Variants in ITPKB observed in about 807,000 individuals in gnomAD.
ITPKB encodes inositol-trisphosphate 3-kinase B.
A neutral mutation model predicts 69.4 loss-of-function variants in ITPKB; 13 were observed. The observed-to-expected ratio is 0.19, with a 90% CI of 0.12 to 0.30. The LOEUF (loss-of-function observed/expected upper bound fraction) is 0.30, where lower values mean the gene tolerates loss of function less well. ITPKB is among the 10% of genes least tolerant of loss of function. The pLI is 1.00. For synonymous variants in ITPKB, 584 were observed against 513.7 expected (o/e 1.14, Z -1.85); for missense variants, 1,240 against 1,250.5 (o/e 0.99, Z 0.13).
At chr1:226,730,887 A>G (rs894874309) in intron 2 of ITPKB, among the ~76,000 whole-genome samples, 1 of 152,212 alleles carries the variant, frequency 6.6e-6, no homozygotes, top group Admixed American at 6.5e-5. Context: ...AAAAACAAAA[A>G]TTCTGAAAAT....
intron 2 of ITPKB, among the ~76,000 whole-genome samples, chr1:226,665,602 C>T (rs1230413119): frequency 6.6e-6 from 1 of 152,156 alleles, no homozygotes; most frequent in African/African-American, 2.4e-5. Flanking sequence ...CGACAGATCA[C>T]ACAAAAGCTA....
chr1:226,657,353 CTT>C (rs1282287338), intron 2 of ITPKB: 30 of 152,316 alleles, frequency 2.0e-4, no homozygotes, highest in Non-Finnish European at 5.9e-5. Flanking sequence ...TTTACATTCT[CTT>C]CTTAGCCTCT....
intron 2 of ITPKB, among the ~76,000 whole-genome samples, chr1:226,676,838 G>A (rs968833139): frequency 1.3e-5 from 2 of 152,208 alleles, no homozygotes; most frequent in South Asian, 2.1e-4. Context: ...TTGGGTAGTA[G>A]GCTTTTGGAT....
intron 2 of ITPKB, among the ~76,000 whole-genome samples, chr1:226,668,266 T>C (rs1669544665): frequency 6.6e-6 from 1 of 152,192 alleles, no homozygotes; most frequent in Admixed American, 6.5e-5. Context: ...TCTATGGAAG[T>C]TAATTCAAAT....
At chr1:226,676,412 G>T (rs1272161983) in intron 2 of ITPKB, 1 of 152,196 alleles carries the variant, frequency 6.6e-6, no homozygotes, top group Non-Finnish European at 1.5e-5. Flanking sequence ...TTTCATCTCA[G>T]TGAGAGGCAA....
At chr1:226,690,187 C>T (rs1229781091) in intron 2 of ITPKB, among the ~76,000 whole-genome samples, 1 of 152,156 alleles carries the variant, frequency 6.6e-6, no homozygotes, top group East Asian at 1.9e-4. Context: ...TTTGAGGAAT[C>T]GCCACAGTCT....
At position 226,736,446 on chromosome 1, in the gene ITPKB, G is replaced by A. The variant is rs1427988170; in HGVS notation, c.1013C>T (p.Pro338Leu). 3.7e-6 allele frequency: 6 copies of A among 1,613,462 alleles called. No individual in the cohort carries two copies. Among genetic ancestry groups the A allele is most frequent in the East Asian group, 2.2e-5 (1 of 44,894 alleles). ...CTGCCTCTCCACCAGGGCCTCTGGG[G>A]GCTGCAGGTCCTCAAGCTCACGGGC... ...GRARELEDLQ[P>L]PEALVERQGQ... Residue 338 changes from proline to leucine, a missense_variant, in exon 2 of 8, where the codon CCC (proline) becomes CTC (leucine). By Grantham distance (98) the Pro-to-Leu change is moderately conservative. Transcript: ENST00000429204.
rs1668740843 is a variant in ITPKB at position 226,632,093 on chromosome 1, C to T, written c.*2578G>A. On this transcript the variant is annotated 3_prime_UTR_variant, in exon 8 of 8. Coordinates refer to ENST00000429204, the MANE Select transcript of ITPKB (RefSeq NM_002221.4). Reference sequence around the variant, plus strand: ...TTAGTGTTCTGTGCAATTTTAAAACCCAACAAAATAAATATAACTTAAAAA... The same window carrying T: ...TTAGTGTTCTGTGCAATTTTAAAACTCAACAAAATAAATATAACTTAAAAA... 1 of 152,562 alleles carries T rather than the reference C, an allele frequency of 6.6e-6. No homozygotes were observed. 9.5% of individuals were successfully genotyped at this position (152,562 alleles called of 1,614,324 possible). A position where few individuals can be genotyped will look rare whatever the true frequency, so the allele number is the denominator to read the frequency against.
chr1:226,736,217 C>T lies in ITPKB; in HGVS notation c.1242G>A (p.Leu414=). The part of the protein sequence containing the change: ...ESSDSLSWSR[L]PRALASVGPE... ...GGCCTACGGAGGCCAGGGCCCTGGG[C>T]AGCCTGGACCAGCTCAGGGAATCAG... Residue 414 remains leucine, a synonymous_variant, in exon 2 of 8, where the codon CTG becomes CTA. Coordinates refer to ENST00000429204, the MANE Select transcript of ITPKB (RefSeq NM_002221.4). 6.5e-7 allele frequency: 1 copy of T among 1,534,310 alleles called. No individual in the cohort carries two copies.
intron 2 of ITPKB, among the ~76,000 whole-genome samples, chr1:226,677,861 T>C (rs1655940271): frequency 6.6e-6 from 1 of 152,258 alleles, no homozygotes; most frequent in South Asian, 2.1e-4. Context: ...CTCAGCAGGC[T>C]GCCCTGGAGA....
At chr1:226,713,107 CAT>C (rs1459993210) in intron 2 of ITPKB, among the ~76,000 whole-genome samples, 2 of 152,168 alleles carry the variant, frequency 1.3e-5, no homozygotes, top group African/African-American at 2.4e-5. Context: ...AATATACACA[CAT>C]ATACACACAC....
At chr1:226,677,336 G>T (rs1335340371) in intron 2 of ITPKB, among the ~76,000 whole-genome samples, 1 of 152,238 alleles carries the variant, frequency 6.6e-6, no homozygotes, top group Non-Finnish European at 1.5e-5. Flanking sequence ...TGCCACCAGG[G>T]CTGGGGAGAG....
chr1:226,678,436 C>A (rs1406803860), intron 2 of ITPKB, among the ~76,000 whole-genome samples: 2 of 152,226 alleles, frequency 1.3e-5, no homozygotes, highest in Non-Finnish European at 2.9e-5. Context: ...CCACTGAGGG[C>A]AGAGGCCGAG....
At chr1:226,649,452 CATGT>C (rs1669134375) in intron 2 of ITPKB, among the ~76,000 whole-genome samples, 2 of 133,532 alleles carry the variant, frequency 1.5e-5, no homozygotes, top group African/African-American at 5.8e-5. Context: ...CGTGTGTGTG[CATGT>C]GTGATATGTG....
chr1:226,643,688 C>G (rs1353807263), intron 4 of ITPKB, among the ~76,000 whole-genome samples: 1 of 152,216 alleles, frequency 6.6e-6, no homozygotes, highest in Admixed American at 6.5e-5. Flanking sequence ...AAAAACAAAT[C>G]CTTTGGGTGT....
intron 2 of ITPKB, among the ~76,000 whole-genome samples, chr1:226,692,157 C>A (rs1656373015): frequency 6.6e-6 from 1 of 152,140 alleles, no homozygotes; most frequent in South Asian, 2.1e-4. Context: ...GCAATATGTC[C>A]AAGGAGCAGA....
chr1:226,675,262 C>T (rs561013939), intron 2 of ITPKB, among the ~76,000 whole-genome samples: 11 of 152,238 alleles, frequency 7.2e-5, no homozygotes, highest in Middle Eastern at 3.4e-3. Context: ...GGGAAACGCT[C>T]GCTTGAAACA....
In ITPKB at chr1:226,637,767, G is replaced by A; in HGVS notation, c.2554-17C>T. On this transcript the variant is annotated splice_polypyrimidine_tract_variant and intron_variant, in intron 6 of 7. Coordinates refer to ENST00000429204, the MANE Select transcript of ITPKB (RefSeq NM_002221.4). This position sits in a 1 kb window ranked among gnomAD's most constrained non-coding sequence, Gnocchi z 4.3. ...ATAGGCGATCTGGGAATAGAAAGAG[G>A]ACCAGATTTTTAAGCGCCGCGTGGG... is the stretch of plus-strand genomic sequence containing the variant. 6.2e-7 allele frequency: 1 copy of A among 1,605,808 alleles called. No homozygotes were observed. The highest frequency in any genetic ancestry group is 8.5e-7 in the Non-Finnish European group (1 of 1,172,932).
intron 2 of ITPKB, among the ~76,000 whole-genome samples, chr1:226,731,313 A>G (rs1451286652): frequency 6.6e-6 from 1 of 152,240 alleles, no homozygotes; most frequent in Non-Finnish European, 1.5e-5. Context: ...AATCTTAGGT[A>G]TGGTACTGAT....
Sources: allele counts gnomAD v4.1 joint callset (sites outside exome capture counted in the v4.1 genomes callset), GRCh38; gene constraint gnomAD v4.1.1; non-coding constraint Gnocchi (gnomAD v3.1); transcripts MANE v1.5; gene names NCBI Gene and HGNC (gene_info 2026-07-23, HGNC 2026-07-21).